Variants in MYO9A observed in about 807,000 individuals in gnomAD.
MYO9A encodes the protein myosin IXA.
In MYO9A, 103 loss-of-function variants were observed where a neutral mutation model predicts 293.3. The ratio of observed to expected loss-of-function variants is 0.35; its 90% CI spans 0.30 to 0.41. The LOEUF is 0.41. Ranked by LOEUF, MYO9A falls within the 10% of genes least tolerant of loss-of-function variation. The pLI, the probability that MYO9A is intolerant of heterozygous loss-of-function variation, is 1.00. For missense variants in MYO9A, 2,685 were observed against 3,033.0 expected (o/e 0.89, Z 2.69); for synonymous variants, 1,001 against 1,035.7 (o/e 0.97, Z 0.64).
chr15:72,089,953 T>C (rs1388651008), intron 1 of MYO9A, among the ~76,000 whole-genome samples: 2 of 152,212 alleles, frequency 1.3e-5, no homozygotes, highest in African/African-American at 4.8e-5. Flanking sequence ...TATTAAACAA[T>C]CTCACCTCTA....
At chr15:71,886,612 C>G (rs2057028334) in intron 27 of MYO9A, among the ~76,000 whole-genome samples, 1 of 152,060 alleles carries the variant, frequency 6.6e-6, no homozygotes, top group African/African-American at 2.4e-5. Flanking sequence ...GTATCTTTCT[C>G]AGCTTTACTT....
At chr15:71,927,994 A>G (rs898365859) in intron 18 of MYO9A, among the ~76,000 whole-genome samples, 21 of 112,066 alleles carry the variant, frequency 1.9e-4, no homozygotes, top group Non-Finnish European at 5.5e-5. Flanking sequence ...TTCTTCTGCC[A>G]GCTCCATGCT....
intron 1 of MYO9A, among the ~76,000 whole-genome samples, chr15:72,070,007 T>C (rs992406833): frequency 8.0e-5 from 12 of 150,582 alleles, no homozygotes; most frequent in Admixed American, 1.3e-4. Flanking sequence ...CATGCACCTG[T>C]AGTCCCTGCT....
At chr15:72,110,342 A>C (rs560720378) in intron 1 of MYO9A, among the ~76,000 whole-genome samples, 29 of 150,058 alleles carry the variant, frequency 1.9e-4, no homozygotes, top group African/African-American at 7.1e-4. Context: ...AGGCTGAGGC[A>C]GGAGAATCAC....
intron 39 of MYO9A, among the ~76,000 whole-genome samples, chr15:71,841,502 G>T (rs1383794518): frequency 6.6e-6 from 1 of 152,114 alleles, no homozygotes; most frequent in Non-Finnish European, 1.5e-5. Context: ...CAAACATGGT[G>T]AATTACATTA....
At chr15:72,030,442 C>G (rs1034058941) in intron 3 of MYO9A, among the ~76,000 whole-genome samples, 1 of 152,152 alleles carries the variant, frequency 6.6e-6, no homozygotes, top group African/African-American at 2.4e-5. Flanking sequence ...AAGATGCCAA[C>G]CACAAATAAT....
chr15:71,994,008 T>C (rs1310377033), intron 10 of MYO9A, among the ~76,000 whole-genome samples: 2 of 149,336 alleles, frequency 1.3e-5, no homozygotes, highest in African/African-American at 4.9e-5. Flanking sequence ...CCTAGAGAAA[T>C]GTATACACAG....
At chr15:72,113,801 G>C (rs1596614936) in intron 1 of MYO9A, among the ~76,000 whole-genome samples, 1 of 152,138 alleles carries the variant, frequency 6.6e-6, no homozygotes. Context: ...AGACTTGTTA[G>C]CAATCAATGA....
intron 2 of MYO9A, among the ~76,000 whole-genome samples, chr15:72,033,221 C>T (rs1012137169): frequency 2.6e-5 from 4 of 151,782 alleles, no homozygotes; most frequent in African/African-American, 9.7e-5. Flanking sequence ...TCCAGAGCCC[C>T]CCTACAAAAA....
At chr15:72,087,185 C>T (rs2079765161) in intron 1 of MYO9A, among the ~76,000 whole-genome samples, 1 of 152,222 alleles carries the variant, frequency 6.6e-6, no homozygotes, top group African/African-American at 2.4e-5. Context: ...CGCAACCAGG[C>T]TGGGTCCCCA....
chr15:72,014,009 G>A (rs2077250109), intron 6 of MYO9A, among the ~76,000 whole-genome samples: 1 of 152,138 alleles, frequency 6.6e-6, no homozygotes, highest in South Asian at 2.1e-4. Context: ...GTTTTGCCAT[G>A]TTGCCCAGGC....
At chr15:71,851,055 G>A (rs12101829) in intron 37 of MYO9A, among the ~76,000 whole-genome samples, 198 bp downstream of exon 37, 1 of 152,146 alleles carries the variant, frequency 6.6e-6, no homozygotes, top group Admixed American at 6.5e-5. Context: ...AACAAGGGCA[G>A]AAAAGCAACT....
intron 30 of MYO9A, 129 bp from the exon 31 acceptor site, chr15:71,878,360 A>G (rs2056759029): frequency 3.4e-6 from 2 of 591,580 alleles, no homozygotes; most frequent in South Asian, 4.5e-5. Flanking sequence ...TCTAATGAGC[A>G]TGCCCATGAG....
intron 18 of MYO9A, among the ~76,000 whole-genome samples, chr15:71,924,308 C>T (rs913986597): frequency 3.9e-5 from 6 of 152,056 alleles, no homozygotes; most frequent in Non-Finnish European, 8.8e-5. Flanking sequence ...GTGGCGTGAT[C>T]TCGGCTCACT....
chr15:72,091,450 C>G (rs1043629195), intron 1 of MYO9A, among the ~76,000 whole-genome samples: 8 of 152,150 alleles, frequency 5.3e-5, no homozygotes, highest in Admixed American at 2.0e-4. Context: ...AGTAGAAATC[C>G]TTAAGACTAC....
upstream of MYO9A, chr15:72,118,426 G>A (rs543685420): frequency 6.5e-6 from 1 of 154,186 alleles, no homozygotes; most frequent in South Asian, 2.1e-4. Flanking sequence ...CAACACAGAG[G>A]TGCCTGAAGG....
At chr15:71,828,804 TCTACTTTATCTAAG>T (rs2054609524) in intron 40 of MYO9A, among the ~76,000 whole-genome samples, 1 of 152,232 alleles carries the variant, frequency 6.6e-6, no homozygotes, top group South Asian at 2.1e-4. Flanking sequence ...AATATTCTCC[TCTACTTTATCTAAG>T]CTACTTTCTC....
intron 1 of MYO9A, among the ~76,000 whole-genome samples, chr15:72,081,920 G>C (rs1425985458): frequency 6.6e-6 from 1 of 152,262 alleles, no homozygotes; most frequent in East Asian, 1.9e-4. Flanking sequence ...GTACCATGCT[G>C]TTTTGTTTCC....
chr15:71,902,219 G>A (rs1478736397), intron 22 of MYO9A, among the ~76,000 whole-genome samples: 1 of 151,878 alleles, frequency 6.6e-6, no homozygotes, highest in East Asian at 1.9e-4. Context: ...CCATAAAAAA[G>A]ATATTAAGTA....
Sources: allele counts gnomAD v4.1 joint callset (sites outside exome capture counted in the v4.1 genomes callset), GRCh38; gene constraint gnomAD v4.1.1; transcripts MANE v1.5; gene names NCBI Gene and HGNC (gene_info 2026-07-23, HGNC 2026-07-21).